Variants in ZEB1 observed in about 807,000 individuals in gnomAD.
ZEB1 encodes zinc finger E-box binding homeobox 1.
In ZEB1, 21 loss-of-function variants were observed where a neutral mutation model predicts 84.9. The ratio of observed to expected loss-of-function variants is 0.25; its 90% CI spans 0.18 to 0.36. The LOEUF is 0.36. ZEB1 is among the 10% of genes least tolerant of loss of function. ZEB1 has a pLI of 1.00. For synonymous variants in ZEB1, 420 were observed against 471.1 expected (o/e 0.89, Z 1.41); for missense variants, 1,104 against 1,330.2 (o/e 0.83, Z 2.65).
At chr10:31,444,989 T>G (rs2059573372) in intron 1 of ZEB1, among the ~76,000 whole-genome samples, 1 of 151,878 alleles carries the variant, frequency 6.6e-6, no homozygotes, top group Admixed American at 6.5e-5. Context: ...GCATTGAATC[T>G]GTAAATTACC....
At chr10:31,350,957 G>A (rs751315322) in intron 1 of ZEB1, among the ~76,000 whole-genome samples, 2 of 152,162 alleles carry the variant, frequency 1.3e-5, no homozygotes, top group Non-Finnish European at 2.9e-5. Context: ...TTCATTGCTT[G>A]ACTGAATAAA....
intron 1 of ZEB1, among the ~76,000 whole-genome samples, chr10:31,426,536 C>A (rs1247677857): frequency 6.6e-6 from 1 of 152,160 alleles, no homozygotes; most frequent in Non-Finnish European, 1.5e-5. Flanking sequence ...CTTTATAACG[C>A]TAGAGTAGTA....
intron 1 of ZEB1, among the ~76,000 whole-genome samples, chr10:31,439,382 G>C (rs975927378): frequency 1.3e-5 from 2 of 152,074 alleles, no homozygotes; most frequent in African/African-American, 2.4e-5. Context: ...TTTAAATTTT[G>C]ATAAATATTG....
rs960109674 is a variant in ZEB1 at position 31,489,456 on chromosome 10, G to A, written c.260-6320G>A. Among the ~76,000 whole-genome samples the A allele has an allele frequency of 4.6e-5, 7 of 150,784 alleles. No homozygotes were observed. The East Asian group carries it at 1.4e-3, about 30-fold the overall frequency. On this transcript the variant is annotated intron_variant, in intron 2 of 8. Coordinates refer to ENST00000424869, the MANE Select transcript of ZEB1 (RefSeq NM_001174096.2). ...TCTCTGCCCTTAATTGGTTTGTTTAGGCCATTTATATTTCATAAAATGTTT... is the reference window on the plus strand; with the variant it reads ...TCTCTGCCCTTAATTGGTTTGTTTAAGCCATTTATATTTCATAAAATGTTT...
intron 1 of ZEB1, among the ~76,000 whole-genome samples, chr10:31,454,162 AT>A (rs989023659): frequency 2.2e-4 from 33 of 152,170 alleles, no homozygotes; most frequent in African/African-American, 8.0e-4. Context: ...CAAAAACCAC[AT>A]TATTATCTCA....
rs138987480 is a variant in ZEB1, at chr10:31,449,593, A to G, written c.59-11444A>G. On this transcript the variant is annotated intron_variant, in intron 1 of 8. Transcript: ENST00000424869. ...TTAAATAATGCATTTTCCCCCCACT[A>G]ATTTGCAAGACTCCTATTTGTTTAG... 2.3e-3 allele frequency among the ~76,000 whole-genome samples: 356 copies of G among 152,154 alleles called. 1 individual carries two copies. Among genetic ancestry groups the G allele is most frequent in the Non-Finnish European group, 4.2e-3 (285 of 68,012 alleles).
chr10:31,514,958 T>C lies in ZEB1; in HGVS notation c.793+250T>C, dbSNP rs78076800. Among the ~76,000 whole-genome samples the C allele has an allele frequency of 7.0e-3, 1,066 of 152,172 alleles. 12 individuals are homozygous for C. Among genetic ancestry groups the C allele is most frequent in the African/African-American group, 0.024 (977 of 41,544 alleles). On this transcript the variant is annotated intron_variant, in intron 6 of 8. Transcript: ENST00000424869. ...CAGAAGATAATATAGCATGTTTTAG[T>C]AAGTACAACCTGAAAACATATTAGC...
At position 31,384,265 on chromosome 10, in the gene ZEB1, T is replaced by A. The variant is rs2048243907; in HGVS notation, c.58+64973T>A. Among the ~76,000 whole-genome samples, 3 of 152,032 alleles carry A rather than the reference T, an allele frequency of 2.0e-5. No homozygotes were observed. The South Asian group carries it at 6.2e-4, about 32-fold the overall frequency. On this transcript the variant is annotated intron_variant, in intron 1 of 8. Transcript: ENST00000424869. ...TGCTAGGATTACAGGCTTGAGCCAC[T>A]GCGCATGACCTACACCAGTGCTCCT...
chr10:31,399,889 G>A (rs973960091), intron 1 of ZEB1, among the ~76,000 whole-genome samples: 1 of 152,122 alleles, frequency 6.6e-6, no homozygotes, highest in African/African-American at 2.4e-5. Flanking sequence ...GCTGTTCTTA[G>A]AACATGCCAG....
At chr10:31,524,525 A>AT (rs2073042766) in intron 8 of ZEB1, among the ~76,000 whole-genome samples, 1 of 151,904 alleles carries the variant, frequency 6.6e-6, no homozygotes, top group Admixed American at 6.6e-5. Flanking sequence ...TAATTTTCTT[A>AT]TTTTTTACTT....
chr10:31,463,603 T>C (rs1300072212), intron 2 of ZEB1, among the ~76,000 whole-genome samples: 1 of 152,208 alleles, frequency 6.6e-6, no homozygotes, highest in Non-Finnish European at 1.5e-5. Context: ...TTTCCATCTC[T>C]ACCATCCTTG....
chr10:31,349,360 C>G (rs954104493), intron 1 of ZEB1, among the ~76,000 whole-genome samples: 1 of 152,136 alleles, frequency 6.6e-6, no homozygotes, highest in South Asian at 2.1e-4. Flanking sequence ...CTGGCTCTTA[C>G]GAATAATGCT....
At chr10:31,319,636 T>C (rs1176401220) in intron 1 of ZEB1, 11 of 299,164 alleles carry the variant, frequency 3.7e-5, no homozygotes, top group Non-Finnish European at 5.5e-5. Context: ...GCCACTTTTC[T>C]GGTCCCGGGT....
intron 1 of ZEB1, among the ~76,000 whole-genome samples, chr10:31,340,576 T>C (rs1286318025): frequency 7.4e-6 from 1 of 134,400 alleles, no homozygotes; most frequent in Admixed American, 7.1e-5. Flanking sequence ...GTTACAAACA[T>C]GTGATGTTTG....
intron 8 of ZEB1, among the ~76,000 whole-genome samples, chr10:31,524,892 G>C (rs139839293): frequency 5.3e-5 from 8 of 152,276 alleles, no homozygotes; most frequent in Non-Finnish European, 1.0e-4. Context: ...GGTTGGACTA[G>C]AAGATTCTAA....
chr10:31,345,003 TAAAA>T (rs911366777), intron 1 of ZEB1, among the ~76,000 whole-genome samples: 26 of 152,154 alleles, frequency 1.7e-4, no homozygotes, highest in African/African-American at 6.3e-4. Flanking sequence ...ATACAGAAAA[TAAAA>T]ACATTTAAAA....
intron 2 of ZEB1, among the ~76,000 whole-genome samples, chr10:31,462,436 A>ATT (rs775324718): frequency 2.0e-3 from 308 of 152,182 alleles, no homozygotes; most frequent in Non-Finnish European, 3.7e-3. Context: ...TTATAGTTTT[A>ATT]TTTAGGTATA....
At chr10:31,349,528 T>A (rs1326232122) in intron 1 of ZEB1, among the ~76,000 whole-genome samples, 4 of 152,150 alleles carry the variant, frequency 2.6e-5, no homozygotes, top group Non-Finnish European at 5.9e-5. Flanking sequence ...CCAATTTACA[T>A]TCCCAGCAAC....
chr10:31,323,279 C>T (rs190811084), intron 1 of ZEB1, among the ~76,000 whole-genome samples: 1 of 151,948 alleles, frequency 6.6e-6, no homozygotes, highest in East Asian at 1.9e-4. Flanking sequence ...ATAGTAAGAT[C>T]CCTTAAAATA....
Sources: gnomAD v4.1 joint callset for allele counts (sites outside exome capture counted in the v4.1 genomes callset) on GRCh38, gnomAD v4.1.1 for gene constraint, MANE v1.5 for transcripts, NCBI Gene and HGNC (gene_info 2026-07-23, HGNC 2026-07-21) for gene names.